The following HMGB1 variants were observed in gnomAD, a reference collection of about 807,000 sequenced individuals.
HMGB1 encodes the protein high mobility group box 1.
For missense variants in HMGB1, 79 were observed against 253.5 expected (o/e 0.31, Z 4.67); for synonymous variants, 81 against 84.0 (o/e 0.96, Z 0.19).
chr13:30,596,366 A>G (rs971572145), intron 1 of HMGB1, among the ~76,000 whole-genome samples: 2 of 152,180 alleles, frequency 1.3e-5, no homozygotes, highest in African/African-American at 2.4e-5. Flanking sequence ...ATAGTGGTTT[A>G]CCATACGCGC....
At chr13:30,493,778 C>G (rs935733018) in intron 1 of HMGB1, among the ~76,000 whole-genome samples, 2 of 152,048 alleles carry the variant, frequency 1.3e-5, no homozygotes, top group Admixed American at 6.6e-5. Context: ...GCCTGGGCAT[C>G]AAAGCAAGAC....
At chr13:30,513,734 C>T (rs1304108447) in intron 1 of HMGB1, among the ~76,000 whole-genome samples, 1 of 152,150 alleles carries the variant, frequency 6.6e-6, no homozygotes, top group Non-Finnish European at 1.5e-5. Context: ...CTCATGATAA[C>T]CCATTAATCC....
At chr13:30,489,827 T>C (rs536411093) in intron 1 of HMGB1, among the ~76,000 whole-genome samples, 1 of 151,536 alleles carries the variant, frequency 6.6e-6, no homozygotes, top group East Asian at 1.9e-4. Flanking sequence ...CTCTGCCTTC[T>C]GAGTTCCAGC....
Position 30,465,826 on chromosome 13 carries a change from C to T in HMGB1, c.-45G>A, listed in dbSNP as rs545118103. The T allele has an allele frequency of 6.1e-6, 6 of 985,648 alleles. No individual in the cohort carries two copies. Among genetic ancestry groups the T allele is most frequent in the Admixed American group, 6.1e-5 (1 of 16,288 alleles). 61.1% of individuals were successfully genotyped at this position (985,648 alleles called of 1,614,324 possible). A position where few individuals can be genotyped will look rare whatever the true frequency, so the allele number is the denominator to read the frequency against. ...GCGAGGCACAGAGTCGCCCAGTGCC[C>T]GTCCGGCTCTCACTTGCCCCGGTGC... On this transcript the variant is annotated 5_prime_UTR_variant, in exon 1 of 5. Coordinates refer to ENST00000341423, the MANE Select transcript of HMGB1 (RefSeq NM_002128.7).
In HMGB1 at chr13:30,460,332, A is replaced by C. The variant is rs1261956447; in HGVS notation, c.*1025T>G. 1 of 151,220 alleles carries C rather than the reference A, an allele frequency of 6.6e-6. No homozygotes were observed. The highest frequency in any genetic ancestry group is 1.5e-5 in the Non-Finnish European group (1 of 67,750). The allele number at this position is 151,220 out of a possible 1,614,324, so 9.4% of individuals were successfully genotyped here. ...GAAAGTCTCGTTTCCTGAGCAGTCC[A>C]TATTTAGATAAATGGGAAAAGACAT... On this transcript the variant is annotated 3_prime_UTR_variant, in exon 5 of 5. Transcript: ENST00000341423.
chr13:30,567,113 GCA>G (rs1308588966), intron 1 of HMGB1, among the ~76,000 whole-genome samples: 3 of 152,084 alleles, frequency 2.0e-5, no homozygotes, highest in Non-Finnish European at 2.9e-5. Flanking sequence ...ACTATTTTAG[GCA>G]CAGTTACTAG....
chr13:30,604,038 T>C (rs1312772482), intron 1 of HMGB1, among the ~76,000 whole-genome samples: 6 of 151,636 alleles, frequency 4.0e-5, no homozygotes, highest in African/African-American at 1.5e-4. Context: ...ACAGAACATG[T>C]AAAGCGGTGA....
chr13:30,570,476 G>A (rs191467660), intron 1 of HMGB1, among the ~76,000 whole-genome samples: 2 of 152,174 alleles, frequency 1.3e-5, no homozygotes, highest in East Asian at 1.9e-4. Context: ...CTTTATGATC[G>A]CTTAGCTTTC....
chr13:30,605,817 ATTC>A (rs1296716843), intron 1 of HMGB1, among the ~76,000 whole-genome samples: 1 of 152,188 alleles, frequency 6.6e-6, no homozygotes, highest in Non-Finnish European at 1.5e-5. Flanking sequence ...AACCACCCTT[ATTC>A]TTACCACAGA....
intron 1 of HMGB1, among the ~76,000 whole-genome samples, chr13:30,586,481 T>G (rs1270005872): frequency 2.5e-3 from 16 of 6,322 alleles, no homozygotes; most frequent in African/African-American, 5.7e-3. Flanking sequence ...TTTTTTTTGT[T>G]TTTTTTTTTT....
At chr13:30,606,814 ATT>A (rs988016497) in intron 1 of HMGB1, among the ~76,000 whole-genome samples, 1 of 152,218 alleles carries the variant, frequency 6.6e-6, no homozygotes, top group African/African-American at 2.4e-5. Context: ...ATGTTTAGGC[ATT>A]GTCAGGTTAT....
At chr13:30,554,548 T>C in intron 1 of HMGB1, 1 of 798,326 alleles carries the variant, frequency 1.3e-6, no homozygotes, top group Non-Finnish European at 2.3e-6. Context: ...AAGAATTTTC[T>C]AAGGAAAACT....
intron 1 of HMGB1, among the ~76,000 whole-genome samples, chr13:30,563,526 T>C (rs374211088): frequency 6.6e-6 from 1 of 152,140 alleles, no homozygotes; most frequent in African/African-American, 2.4e-5. Context: ...GGAGGATCAC[T>C]TGAGCCCAAG....
At chr13:30,550,493 C>G (rs549322243) in intron 1 of HMGB1, among the ~76,000 whole-genome samples, 2 of 152,282 alleles carry the variant, frequency 1.3e-5, no homozygotes, top group East Asian at 3.9e-4. Context: ...GAATCTAAAT[C>G]GAGTCCTCGT....
At chr13:30,480,740 C>T (rs1007499391) in intron 1 of HMGB1, among the ~76,000 whole-genome samples, 2 of 152,012 alleles carry the variant, frequency 1.3e-5, no homozygotes, top group Non-Finnish European at 2.9e-5. Flanking sequence ...CCCTCCTTCC[C>T]TCGCTCCTTT....
chr13:30,499,391 T>C (rs1887685826), intron 1 of HMGB1, among the ~76,000 whole-genome samples: 1 of 152,226 alleles, frequency 6.6e-6, no homozygotes, highest in Admixed American at 6.5e-5. Context: ...GAATCTCTGA[T>C]CTCCAGATTG....
chr13:30,565,254 C>T (rs889837189), intron 1 of HMGB1, among the ~76,000 whole-genome samples: 1 of 152,208 alleles, frequency 6.6e-6, no homozygotes, highest in African/African-American at 2.4e-5. Flanking sequence ...GTGACCTACA[C>T]AGGCAAGCTG....
chr13:30,500,194 A>G (rs1887702320), intron 1 of HMGB1, among the ~76,000 whole-genome samples: 1 of 152,108 alleles, frequency 6.6e-6, no homozygotes, highest in Admixed American at 6.6e-5. Flanking sequence ...CACCATGTTA[A>G]GATGCAGCAC....
intron 1 of HMGB1, among the ~76,000 whole-genome samples, chr13:30,481,046 T>C (rs1566001015): frequency 7.3e-6 from 1 of 137,252 alleles, no homozygotes; most frequent in Non-Finnish European, 1.5e-5. Context: ...CTTGTGTGTG[T>C]TTTTTTTTCT....
Sources: gnomAD v4.1 joint callset for allele counts (sites outside exome capture counted in the v4.1 genomes callset) on GRCh38, gnomAD v4.1.1 for gene constraint, MANE v1.5 for transcripts, NCBI Gene and HGNC (gene_info 2026-07-23, HGNC 2026-07-21) for gene names.